EMB: variants seen among roughly 807,000 people sequenced by gnomAD.
EMB encodes the protein embigin homolog.
In EMB, 31 loss-of-function variants were observed where a neutral mutation model predicts 41.4. The observed-to-expected ratio is 0.75, with a 90% CI of 0.56 to 1.01. EMB has a LOEUF of 1.01. Ranked by LOEUF, EMB falls within the 50% of genes least tolerant of loss-of-function variation. The pLI, the probability that EMB is intolerant of heterozygous loss-of-function variation, is 0.00. For synonymous variants in EMB, 137 were observed against 140.4 expected, an observed-to-expected ratio of 0.98 and a Z score of 0.17; for missense variants, 379 against 388.3, an observed-to-expected ratio of 0.98 and a Z score of 0.20.
intron 1 of EMB, among the ~76,000 whole-genome samples, chr5:50,440,461 A>T (rs1745880291): frequency 7.4e-6 from 1 of 135,734 alleles, no homozygotes; most frequent in Non-Finnish European, 1.5e-5. Flanking sequence ...TGAACCCGGG[A>T]GGAGGAGGTT....
Position 50,441,176 on chromosome 5 carries a change from C to T in EMB, c.-25G>A, listed in dbSNP as rs1579749845. 6.6e-6 allele frequency: 9 copies of T among 1,353,406 alleles called. No individual in the cohort carries two copies. The highest frequency in any genetic ancestry group is 7.7e-6 in the Non-Finnish European group (8 of 1,032,276). The allele number at this position is 1,353,406 out of a possible 1,614,324, so 83.8% of individuals were successfully genotyped here. A position where few individuals can be genotyped will look rare whatever the true frequency, so the allele number is the denominator to read the frequency against. ...TGGCGCCAGAGGGTCCGCCTGGGTCCTCGTGGAGACTGCTCCCTCAGCTCG... is the reference window on the plus strand; with the variant it reads ...TGGCGCCAGAGGGTCCGCCTGGGTCTTCGTGGAGACTGCTCCCTCAGCTCG... On this transcript the variant is annotated 5_prime_UTR_variant, in exon 1 of 9. Transcript: ENST00000303221.
chr5:50,437,113 A>G (rs1195081399), intron 1 of EMB, among the ~76,000 whole-genome samples: 2 of 152,100 alleles, frequency 1.3e-5, no homozygotes, highest in South Asian at 2.1e-4. Context: ...TCTACAAAAA[A>G]TACAAAAATT....
intron 2 of EMB, among the ~76,000 whole-genome samples, chr5:50,423,083 T>C (rs545882104): frequency 1.3e-5 from 2 of 151,892 alleles, no homozygotes; most frequent in South Asian, 4.1e-4. Flanking sequence ...CTGGTGTATT[T>C]ATACTGTGCA....
Position 50,410,976 on chromosome 5 carries a change from T to C in EMB, c.384-11A>G. 6.4e-7 allele frequency: 1 copy of C among 1,565,762 alleles called. No homozygotes were observed. Among genetic ancestry groups the C allele is most frequent in the South Asian group, 1.2e-5 (1 of 85,164 alleles). On this transcript the variant is annotated splice_polypyrimidine_tract_variant and intron_variant, in intron 3 of 8. Transcript: ENST00000303221. ...TTAATGATGGTGAACCTAAAGATAA[T>C]TCAAGTTATTAATATAGGCTTAGTT...
At chr5:50,414,451 G>A (rs182795951) in intron 2 of EMB, among the ~76,000 whole-genome samples, 35 of 144,456 alleles carry the variant, frequency 2.4e-4, no homozygotes, top group East Asian at 1.7e-3. Context: ...TCTTGAGCCC[G>A]AGAGTTGAGG....
intron 7 of EMB, among the ~76,000 whole-genome samples, chr5:50,400,531 G>C (rs1348598348): frequency 6.6e-6 from 1 of 151,608 alleles, no homozygotes; most frequent in Non-Finnish European, 1.5e-5. Context: ...GAAATCCCAC[G>C]AGTGCTTGTT....
intron 5 of EMB, among the ~76,000 whole-genome samples, chr5:50,405,441 T>C (rs1418471933): frequency 6.6e-6 from 1 of 151,888 alleles, no homozygotes; most frequent in Admixed American, 6.6e-5. Flanking sequence ...ACACACAAAA[T>C]GTAATTTCTT....
chr5:50,426,418 T>C (rs1271950936), intron 2 of EMB, among the ~76,000 whole-genome samples: 1 of 152,192 alleles, frequency 6.6e-6, no homozygotes, highest in African/African-American at 2.4e-5. Flanking sequence ...TTTAAAAATA[T>C]TAAATAAGTA....
chr5:50,428,708 T>C (rs759334287), intron 1 of EMB: 51 of 984,900 alleles, frequency 5.2e-5, no homozygotes, highest in Non-Finnish European at 5.8e-5. Flanking sequence ...CGGGCCAGTT[T>C]GGGTTGCTAT....
chr5:50,415,098 T>C (rs1414571880), intron 2 of EMB, among the ~76,000 whole-genome samples: 1 of 152,170 alleles, frequency 6.6e-6, no homozygotes, highest in Non-Finnish European at 1.5e-5. Context: ...GATCCATTAA[T>C]ATTCCCTTGT....
chr5:50,422,709 TAAAAG>T (rs1745544357), intron 2 of EMB, among the ~76,000 whole-genome samples: 4 of 152,128 alleles, frequency 2.6e-5, no homozygotes, highest in Non-Finnish European at 4.4e-5. Context: ...AAACACCACA[TAAAAG>T]TTTAAAGTTT....
At chr5:50,438,380 G>C (rs541164239) in intron 1 of EMB, among the ~76,000 whole-genome samples, 246 of 152,276 alleles carry the variant, frequency 1.6e-3, no homozygotes, top group African/African-American at 5.8e-3. Context: ...GAGGTTCTCA[G>C]AACTGCAATA....
Position 50,397,010 on chromosome 5 carries a change from A to G in EMB, c.*2263T>C, listed in dbSNP as rs1398932905. On this transcript the variant is annotated 3_prime_UTR_variant, in exon 9 of 9. Transcript: ENST00000303221. ...GGAGAAGATTTACACTTTGGCAAAA[A>G]ATGTATATGAAAGTATCTGGGAATT... 6.6e-6 allele frequency: 1 copy of G among 152,118 alleles called. No individual in the cohort carries two copies. Among genetic ancestry groups the G allele is most frequent in the African/African-American group, 2.4e-5 (1 of 41,444 alleles). The allele number at this position is 152,118 out of a possible 1,614,324, so 9.4% of individuals were successfully genotyped here.
chr5:50,419,529 C>T (rs1217412503), intron 2 of EMB, among the ~76,000 whole-genome samples: 1 of 111,358 alleles, frequency 9.0e-6, no homozygotes, highest in Non-Finnish European at 1.9e-5. Context: ...ACAGAACCCC[C>T]ACTACATACA....
At chr5:50,430,003 TCTCA>T (rs1342501634) in intron 1 of EMB, among the ~76,000 whole-genome samples, 16 of 143,402 alleles carry the variant, frequency 1.1e-4, no homozygotes, top group Non-Finnish European at 2.4e-4. Flanking sequence ...TCTCTCTCTC[TCTCA>T]CACACACACA....
At chr5:50,439,301 C>T (rs1035545638) in intron 1 of EMB, among the ~76,000 whole-genome samples, 1 of 151,906 alleles carries the variant, frequency 6.6e-6, no homozygotes, top group Non-Finnish European at 1.5e-5. Flanking sequence ...ATGTCCTGGA[C>T]AATTCTGTTT....
At chr5:50,412,862 G>C (rs1196093960) in intron 2 of EMB, among the ~76,000 whole-genome samples, 1 of 147,680 alleles carries the variant, frequency 6.8e-6, no homozygotes, top group Non-Finnish European at 1.5e-5. Context: ...CAGGACCTCT[G>C]ACCCAGCAGG....
intron 4 of EMB, among the ~76,000 whole-genome samples, chr5:50,407,217 A>G (rs1468501065): frequency 1.3e-5 from 2 of 151,988 alleles, no homozygotes; most frequent in Non-Finnish European, 2.9e-5. Context: ...GGTTCAAAAT[A>G]CCAAAATTTA....
intron 1 of EMB, among the ~76,000 whole-genome samples, chr5:50,431,844 G>A (rs998126132): frequency 1.3e-5 from 2 of 152,060 alleles, no homozygotes; most frequent in Non-Finnish European, 2.9e-5. Context: ...GGGCAGTTGA[G>A]GCATAAGACT....
Sources: allele counts gnomAD v4.1 joint callset (sites outside exome capture counted in the v4.1 genomes callset), GRCh38; gene constraint gnomAD v4.1.1; transcripts MANE v1.5; gene names NCBI Gene and HGNC (gene_info 2026-07-23, HGNC 2026-07-21).